OXR1: variants seen among roughly 807,000 people sequenced by gnomAD.
OXR1 encodes oxidation resistance protein 1.
A neutral mutation model predicts 104.6 loss-of-function variants in OXR1; 41 were observed. The observed-to-expected ratio is 0.39, with a 90% CI of 0.31 to 0.51. The LOEUF (loss-of-function observed/expected upper bound fraction) is 0.51, where lower values mean the gene tolerates loss of function less well. Among genes scored for constraint, OXR1 ranks in the 20% least tolerant of loss-of-function variants. The pLI, the probability that OXR1 is intolerant of heterozygous loss-of-function variation, is 0.77. For missense variants in OXR1, 955 were observed against 1,031.9 expected (o/e 0.93, Z 1.02); for synonymous variants, 348 against 348.4 (o/e 1.00, Z 0.01).
intron 3 of OXR1, among the ~76,000 whole-genome samples, chr8:106,631,064 G>T (rs1296246534): frequency 1.3e-5 from 2 of 152,148 alleles, no homozygotes; most frequent in Admixed American, 1.3e-4. Flanking sequence ...TGAAAAGTAA[G>T]AAAGACCAAC....
intron 3 of OXR1, among the ~76,000 whole-genome samples, chr8:106,530,858 A>G (rs1814044410): frequency 6.6e-6 from 1 of 152,210 alleles, no homozygotes; most frequent in Non-Finnish European, 1.5e-5. Flanking sequence ...TGGGTTTATA[A>G]CTGAAACATG....
chr8:106,632,840 GA>G (rs1435837330), intron 3 of OXR1, among the ~76,000 whole-genome samples: 1 of 152,220 alleles, frequency 6.6e-6, no homozygotes, highest in East Asian at 1.9e-4. Context: ...TCAGGAGGCT[GA>G]GGTGGGAGGC....
intron 3 of OXR1, among the ~76,000 whole-genome samples, chr8:106,589,883 T>C (rs544710215): frequency 1.3e-5 from 2 of 152,240 alleles, no homozygotes; most frequent in South Asian, 2.1e-4. Context: ...GTCAGGCTGG[T>C]CTTAAACTCC....
chr8:106,635,989 C>T (rs187130806), intron 3 of OXR1, among the ~76,000 whole-genome samples: 168 of 152,158 alleles, frequency 1.1e-3, no homozygotes, highest in African/African-American at 3.7e-3. Flanking sequence ...GGGCCATTTG[C>T]GTCAGATTTA....
At chr8:106,685,850 C>T (rs1314841944) in intron 6 of OXR1, among the ~76,000 whole-genome samples, 1 of 152,016 alleles carries the variant, frequency 6.6e-6, no homozygotes, top group Non-Finnish European at 1.5e-5. Flanking sequence ...GCATAATTTG[C>T]AATTGCAAAA....
intron 3 of OXR1, among the ~76,000 whole-genome samples, chr8:106,603,790 C>T (rs565305836): frequency 6.6e-6 from 1 of 152,298 alleles, no homozygotes; most frequent in East Asian, 1.9e-4. Context: ...CAGTGGCTCA[C>T]ACCTATAATC....
chr8:106,569,645 T>C (rs943833401), intron 3 of OXR1, among the ~76,000 whole-genome samples: 2 of 152,310 alleles, frequency 1.3e-5, no homozygotes, highest in African/African-American at 4.8e-5. Flanking sequence ...CTTACTAATT[T>C]GATTAATTTA....
intron 1 of OXR1, among the ~76,000 whole-genome samples, chr8:106,296,845 A>G (rs1003066734): frequency 2.0e-5 from 3 of 152,206 alleles, no homozygotes; most frequent in African/African-American, 7.2e-5. Context: ...CCATGCTAGT[A>G]TGAGTGTTTC....
At chr8:106,693,835 T>C (rs1174974900) in intron 7 of OXR1, among the ~76,000 whole-genome samples, 1 of 152,068 alleles carries the variant, frequency 6.6e-6, no homozygotes, top group Non-Finnish European at 1.5e-5. Flanking sequence ...AAACTCCAGA[T>C]TTTGCTCAAA....
At chr8:106,397,416 T>C (rs1817824399) in intron 2 of OXR1, among the ~76,000 whole-genome samples, 1 of 152,042 alleles carries the variant, frequency 6.6e-6, no homozygotes, top group Non-Finnish European at 1.5e-5. Context: ...CTTTTCTATC[T>C]TCTGATTTAA....
intron 3 of OXR1, among the ~76,000 whole-genome samples, chr8:106,667,278 A>G (rs1330619117): frequency 1.3e-5 from 2 of 152,240 alleles, no homozygotes; most frequent in African/African-American, 4.8e-5. Flanking sequence ...GTTAAAAACC[A>G]CTGACTTAGG....
At chr8:106,342,446 G>C (rs1815296933) in intron 1 of OXR1, among the ~76,000 whole-genome samples, 1 of 151,798 alleles carries the variant, frequency 6.6e-6, no homozygotes, top group South Asian at 2.1e-4. Context: ...GTAGAGATGG[G>C]GTTTCGCCAT....
At chr8:106,574,724 A>C (rs1346784397) in intron 3 of OXR1, among the ~76,000 whole-genome samples, 1 of 152,242 alleles carries the variant, frequency 6.6e-6, no homozygotes, top group African/African-American at 2.4e-5. Flanking sequence ...GTCCAAATAG[A>C]AATAACCATG....
rs575865110 is a variant in OXR1 at position 106,748,517 on chromosome 8, T to G, written c.2487-2289T>G. ...ACCTGGTCATTGTGAATTACTATAC[T>G]GATCTGTCTTTTCTGTTTTGTTGTG... On this transcript the variant is annotated intron_variant, in intron 16 of 16. Transcript: ENST00000517566. 4.6e-5 allele frequency among the ~76,000 whole-genome samples: 7 copies of G among 151,010 alleles called. No homozygotes were observed. In the East Asian group the frequency reaches 1.4e-3, roughly 29 times the overall value.
At chr8:106,626,511 G>A (rs1019353794) in intron 3 of OXR1, among the ~76,000 whole-genome samples, 1 of 147,490 alleles carries the variant, frequency 6.8e-6, no homozygotes, top group Non-Finnish European at 1.5e-5. Flanking sequence ...TGGTTTTCTG[G>A]TTTATTAACA....
At chr8:106,680,336 G>T (rs535657595) in intron 4 of OXR1, among the ~76,000 whole-genome samples, 1 of 151,938 alleles carries the variant, frequency 6.6e-6, no homozygotes, top group South Asian at 2.1e-4. Context: ...AAATTTCTTC[G>T]TCTTTACAAT....
intron 11 of OXR1, among the ~76,000 whole-genome samples, chr8:106,731,256 T>C (rs756168412): frequency 1.3e-5 from 2 of 152,230 alleles, no homozygotes; most frequent in Non-Finnish European, 2.9e-5. Context: ...AACATAGAGA[T>C]AGAACAGACC....
intron 2 of OXR1, among the ~76,000 whole-genome samples, chr8:106,511,545 ACTCT>A (rs75503808): frequency 0.18 from 22,514 of 128,048 alleles, 1,759 homozygotes; most frequent in East Asian, 0.26. Context: ...ATACACACAC[ACTCT>A]CTCTCATACA....
intron 3 of OXR1, among the ~76,000 whole-genome samples, chr8:106,668,942 C>A (rs763664587): frequency 2.0e-5 from 3 of 152,170 alleles, no homozygotes; most frequent in Admixed American, 6.5e-5. Context: ...TCAGATCTTA[C>A]ATTCACAGTA....
Sources: gnomAD v4.1 joint callset for allele counts (sites outside exome capture counted in the v4.1 genomes callset) on GRCh38, gnomAD v4.1.1 for gene constraint, MANE v1.5 for transcripts, NCBI Gene and HGNC (gene_info 2026-07-23, HGNC 2026-07-21) for gene names.